Variants in PIP4K2B observed in about 807,000 individuals in gnomAD.
PIP4K2B encodes the protein phosphatidylinositol-5-phosphate 4-kinase type 2 beta, also known as phosphatidylinositol 5-phosphate 4-kinase type-2 beta.
In PIP4K2B, 3 loss-of-function variants were observed where a neutral mutation model predicts 42.0. The observed-to-expected ratio is 0.07, with a 90% confidence interval of 0.03 to 0.18. The LOEUF is 0.18. Ranked by LOEUF, PIP4K2B falls within the 10% of genes least tolerant of loss-of-function variation. The pLI is 1.00. For missense variants in PIP4K2B, 332 were observed against 562.3 expected (o/e 0.59, Z 4.14); for synonymous variants, 204 against 210.1 (o/e 0.97, Z 0.25).
chr17:38,793,259 T>G (rs1186163019), intron 1 of PIP4K2B, among the ~76,000 whole-genome samples: 2 of 150,688 alleles, frequency 1.3e-5, no homozygotes, highest in African/African-American at 2.4e-5. Context: ...TTTTTTTTTT[T>G]TTTGAGACGG....
At chr17:38,778,275 C>T (rs1310420160) in intron 6 of PIP4K2B, 59 bp downstream of exon 6, 18 of 1,529,536 alleles carry the variant, frequency 1.2e-5, no homozygotes, top group South Asian at 3.4e-5. Context: ...ACAGGATGGC[C>T]GACAGGAGTT....
At chr17:38,791,140 C>G (rs946086726) in intron 1 of PIP4K2B, among the ~76,000 whole-genome samples, 18 of 152,110 alleles carry the variant, frequency 1.2e-4, no homozygotes, top group African/African-American at 4.1e-4. Flanking sequence ...GGGATACAGA[C>G]ATCAAGAACA....
chr17:38,774,198 T>C (rs879714431), intron 7 of PIP4K2B, among the ~76,000 whole-genome samples: 3 of 152,246 alleles, frequency 2.0e-5, no homozygotes, highest in Non-Finnish European at 4.4e-5. Flanking sequence ...AGCATTATTC[T>C]GGGTGTGTCT....
At chr17:38,798,859 C>T (rs1260044853) in intron 1 of PIP4K2B, among the ~76,000 whole-genome samples, 1 of 152,192 alleles carries the variant, frequency 6.6e-6, no homozygotes, top group Non-Finnish European at 1.5e-5. Context: ...ACCACTGCTA[C>T]TTGACAGAGC....
chr17:38,794,638 A>T lies in PIP4K2B; in HGVS notation c.159+4628T>A, dbSNP rs867474628. The stretch of plus-strand genomic sequence containing the variant: ...AAAAAAAAAAAAAAAAAAAAGAGCT[A>T]GAACTATAAAACTTTTAGAAGAAAA... On this transcript the variant is annotated intron_variant, in intron 1 of 9. Transcript: ENST00000619039. Among the ~76,000 whole-genome samples the T allele has an allele frequency of 2.8e-5, 4 of 145,430 alleles. No individual in the cohort carries two copies. The South Asian group carries it at 6.6e-4, about 24-fold the overall frequency.
chr17:38,766,062 T>G lies in PIP4K2B; in HGVS notation c.*3629A>C, dbSNP rs886815389. On this transcript the variant is annotated 3_prime_UTR_variant, in exon 10 of 10. Transcript: ENST00000619039. Reference sequence around the variant, plus strand: ...GGCAAGAGGCTCCTGTGGAAACTTCTGCCCTGGGATACTGGCACAAGCTGC... The same window carrying G: ...GGCAAGAGGCTCCTGTGGAAACTTCGGCCCTGGGATACTGGCACAAGCTGC... The G allele has an allele frequency of 6.6e-6, 1 of 152,628 alleles. No homozygotes were observed. Among genetic ancestry groups the G allele is most frequent in the Non-Finnish European group, 1.5e-5 (1 of 68,082 alleles). The allele number at this position is 152,628 out of a possible 1,614,324, so 9.5% of individuals were successfully genotyped here.
intron 2 of PIP4K2B, among the ~76,000 whole-genome samples, chr17:38,785,039 G>A (rs1264652082): frequency 2.6e-5 from 4 of 152,188 alleles, no homozygotes; most frequent in Non-Finnish European, 4.4e-5. Context: ...CCACTGGGAC[G>A]TAGGAAAAGA....
intron 7 of PIP4K2B, chr17:38,776,570 G>C (rs968902288): frequency 2.5e-6 from 1 of 405,076 alleles, no homozygotes; most frequent in Non-Finnish European, 4.8e-6. Flanking sequence ...AGGTTGCAGT[G>C]AGCCGAGATC....
intron 7 of PIP4K2B, among the ~76,000 whole-genome samples, chr17:38,776,875 C>T (rs987235187): frequency 6.6e-6 from 1 of 152,094 alleles, no homozygotes; most frequent in African/African-American, 2.4e-5. Flanking sequence ...GAATCAGAGC[C>T]AGAGCCAGAG....
chr17:38,791,217 G>C (rs75664820), intron 1 of PIP4K2B, among the ~76,000 whole-genome samples: 2,003 of 152,158 alleles, frequency 0.013, 41 homozygotes, highest in African/African-American at 0.046. Context: ...TCATACATCA[G>C]GCCAGAAACA....
At chr17:38,770,567 A>C in intron 8 of PIP4K2B, 28 bp from the exon 9 acceptor site, 1 of 1,306,950 alleles carries the variant, frequency 7.7e-7, no homozygotes, top group Non-Finnish European at 1.1e-6. Flanking sequence ...GCAGGGAAGA[A>C]GGAAGAGGGG....
intron 3 of PIP4K2B, among the ~76,000 whole-genome samples, chr17:38,783,639 C>T (rs1338551265): frequency 6.6e-6 from 1 of 151,640 alleles, no homozygotes; most frequent in Non-Finnish European, 1.5e-5. Flanking sequence ...TCACTCTTGT[C>T]GCCCAGGCTG....
At position 38,766,477 on chromosome 17, in the gene PIP4K2B, GC is replaced by G. The variant is rs1908711955; in HGVS notation, c.*3213del. ...TCTTTGGTCCACCTCCCCAAGGTAT[GC>G]CCTGGCAGACCATGAAGACAGGAAA... On this transcript the variant is annotated 3_prime_UTR_variant, in exon 10 of 10. Coordinates refer to ENST00000619039, the MANE Select transcript of PIP4K2B (RefSeq NM_003559.5). 1 of 152,700 alleles carries G rather than the reference GC, an allele frequency of 6.5e-6. No individual in the cohort carries two copies. The highest frequency in any genetic ancestry group is 1.5e-5 in the Non-Finnish European group (1 of 68,092). The allele number at this position is 152,700 out of a possible 1,614,324, so 9.5% of individuals were successfully genotyped here.
intron 1 of PIP4K2B, among the ~76,000 whole-genome samples, chr17:38,791,343 G>A (rs1035035525): frequency 6.6e-6 from 1 of 151,144 alleles, no homozygotes; most frequent in Non-Finnish European, 1.5e-5. Context: ...CTCAACCTCA[G>A]GGTAAAGTTT....
At chr17:38,777,831 A>G (rs746002527) in intron 6 of PIP4K2B, 31 bp from the exon 7 acceptor site, 1 of 1,493,674 alleles carries the variant, frequency 6.7e-7, no homozygotes, top group Admixed American at 1.7e-5. Context: ...AGGCTGGGTA[A>G]GCCTGATTAA....
intron 9 of PIP4K2B, among the ~76,000 whole-genome samples, chr17:38,770,173 G>A (rs891894652): frequency 1.4e-4 from 22 of 152,214 alleles, no homozygotes; most frequent in Non-Finnish European, 7.3e-5. Flanking sequence ...AGGCCCTGGG[G>A]AAAGACACTG....
chr17:38,789,273 A>G (rs757564377), intron 1 of PIP4K2B, among the ~76,000 whole-genome samples: 16 of 152,230 alleles, frequency 1.1e-4, no homozygotes, highest in Non-Finnish European at 1.0e-4. Context: ...ACAGAGAGCT[A>G]GCTTTCCATT....
At chr17:38,783,558 A>G (rs1339913716) in intron 3 of PIP4K2B, among the ~76,000 whole-genome samples, 2 of 151,372 alleles carry the variant, frequency 1.3e-5, no homozygotes, top group Non-Finnish European at 2.9e-5. Flanking sequence ...AATCTATTTC[A>G]TCTGCTTTAA....
Position 38,799,493 on chromosome 17 carries a change from G to A in PIP4K2B, c.-69C>T. ...GACAGCGCACAAGCCAGCGGCCTCA[G>A]GCCTCCCCCGGACCGATCCCCACCC... On this transcript the variant is annotated 5_prime_UTR_variant, in exon 1 of 10. Transcript: ENST00000619039. This position sits in a 1 kb window ranked among gnomAD's most constrained non-coding sequence, Gnocchi z 4.4. 6.8e-7 allele frequency: 1 copy of A among 1,465,474 alleles called. No homozygotes were observed. The highest frequency in any genetic ancestry group is 2.5e-5 in the Admixed American group (1 of 39,250). 90.8% of individuals were successfully genotyped at this position (1,465,474 alleles called of 1,614,324 possible). A position where few individuals can be genotyped will look rare whatever the true frequency, so the allele number is the denominator to read the frequency against.
Sources: allele counts gnomAD v4.1 joint callset (sites outside exome capture counted in the v4.1 genomes callset), GRCh38; gene constraint gnomAD v4.1.1; non-coding constraint Gnocchi (gnomAD v3.1); transcripts MANE v1.5; gene names NCBI Gene and HGNC (gene_info 2026-07-23, HGNC 2026-07-21).